Variants in RHOA observed in about 807,000 individuals in gnomAD.
The protein encoded by RHOA is ras homolog family member A, also known as transforming protein RhoA.
RHOA carries 3 observed loss-of-function variants against 17.5 expected under a neutral mutation model. The ratio of observed to expected loss-of-function variants is 0.17; its 90% CI spans 0.08 to 0.44. The LOEUF is 0.44. Ranked by LOEUF, RHOA falls within the 20% of genes least tolerant of loss-of-function variation. The probability of loss-of-function intolerance (pLI) is 0.99; values close to 1 mark genes in which losing one functional copy is unlikely to be tolerated. For missense variants in RHOA, 56 were observed against 242.3 expected, an observed-to-expected ratio of 0.23 and a Z score of 5.10; for synonymous variants, 98 against 88.4, an observed-to-expected ratio of 1.11 and a Z score of -0.61.
intron 3 of RHOA, chr3:49,366,454 T>C (rs1206685514): frequency 6.6e-6 from 1 of 152,042 alleles, no homozygotes; most frequent in East Asian, 1.9e-4. Flanking sequence ...AATACAAAAA[T>C]CACCCAGGCG....
intron 1 of RHOA, among the ~76,000 whole-genome samples, chr3:49,391,764 G>A (rs576844551): frequency 1.8e-4 from 27 of 150,936 alleles, no homozygotes; most frequent in Non-Finnish European, 2.9e-4. Flanking sequence ...GCCCACCTCA[G>A]CCTCCCAAAG....
At chr3:49,391,375 G>C (rs1026056349) in intron 1 of RHOA, among the ~76,000 whole-genome samples, 1 of 147,848 alleles carries the variant, frequency 6.8e-6, no homozygotes, top group Admixed American at 6.8e-5. Context: ...TTGAGCGACA[G>C]AGTGAGAATC....
chr3:49,380,246 C>G (rs1559504259), intron 1 of RHOA, among the ~76,000 whole-genome samples: 1 of 152,154 alleles, frequency 6.6e-6, no homozygotes, highest in East Asian at 1.9e-4. Context: ...CTGGAAGAAC[C>G]AAAAGGTAAA....
At chr3:49,374,708 C>T (rs1008791527) in intron 2 of RHOA, among the ~76,000 whole-genome samples, 2 of 150,970 alleles carry the variant, frequency 1.3e-5, no homozygotes, top group East Asian at 2.0e-4. Flanking sequence ...GGCGACAGAG[C>T]GAGACTCTGT....
chr3:49,363,427 A>G (rs1233229156), intron 3 of RHOA, among the ~76,000 whole-genome samples: 1 of 152,164 alleles, frequency 6.6e-6, no homozygotes, highest in Admixed American at 6.6e-5. Context: ...AATAAAAAAA[A>G]GTGACTTTTG....
intron 1 of RHOA, among the ~76,000 whole-genome samples, chr3:49,410,215 G>C (rs2048909240): frequency 6.6e-6 from 1 of 152,142 alleles, no homozygotes; most frequent in African/African-American, 2.4e-5. Flanking sequence ...AGTAAATGGA[G>C]AATACCTTAA....
intron 2 of RHOA, chr3:49,373,244 T>C: frequency 4.9e-6 from 1 of 205,394 alleles, no homozygotes; most frequent in Non-Finnish European, 1.1e-5. Context: ...CTCGGGAGGC[T>C]GAGATAGGAG....
In RHOA at chr3:49,411,970, A is replaced by C. The variant is rs978554175; in HGVS notation, c.-153T>G. On this transcript the variant is annotated 5_prime_UTR_variant, in exon 1 of 5. Coordinates refer to ENST00000418115, the MANE Select transcript of RHOA (RefSeq NM_001664.4). ...CCGCGGGCGGCGGGAGGGTAGCGCG[A>C]GAGAGCGAGGGCGGGCGGCGGCGGG... The C allele has an allele frequency of 6.7e-6, 1 of 149,530 alleles. No homozygotes were observed. The highest frequency in any genetic ancestry group is 2.5e-5 in the African/African-American group (1 of 40,192). The allele number at this position is 149,530 out of a possible 1,614,324, so 9.3% of individuals were successfully genotyped here. A position where few individuals can be genotyped will look rare whatever the true frequency, so the allele number is the denominator to read the frequency against.
chr3:49,388,467 G>A (rs1028811844), intron 1 of RHOA, among the ~76,000 whole-genome samples: 2 of 152,164 alleles, frequency 1.3e-5, no homozygotes, highest in African/African-American at 4.8e-5. Context: ...CTGCATTGCT[G>A]CCTGCCTTGC....
At chr3:49,399,005 A>AGAC (rs1181741265) in intron 1 of RHOA, among the ~76,000 whole-genome samples, 1 of 134,022 alleles carries the variant, frequency 7.5e-6, no homozygotes, top group African/African-American at 2.8e-5. Context: ...CAGTTAGCTG[A>AGAC]GACTGTGCCA....
chr3:49,408,017 G>A (rs1228576604), intron 1 of RHOA, among the ~76,000 whole-genome samples: 1 of 151,930 alleles, frequency 6.6e-6, no homozygotes, highest in Admixed American at 6.6e-5. Context: ...AAAATTAGCT[G>A]AGCACAGTGG....
chr3:49,373,585 T>C (rs1051872767), intron 2 of RHOA, among the ~76,000 whole-genome samples: 16 of 152,262 alleles, frequency 1.1e-4, no homozygotes, highest in African/African-American at 3.6e-4. Flanking sequence ...GGGGCTGAGA[T>C]GGAAGAACTT....
At chr3:49,362,350 A>T (rs1575640898) in intron 4 of RHOA, 146 bp downstream of exon 4, 1 of 739,642 alleles carries the variant, frequency 1.4e-6, no homozygotes, top group East Asian at 2.8e-5. Flanking sequence ...TGAAGATCCC[A>T]ATTAATGAGG....
At chr3:49,367,109 G>C (rs937133874) in intron 3 of RHOA, 2 of 152,064 alleles carry the variant, frequency 1.3e-5, no homozygotes, top group South Asian at 4.1e-4. Context: ...TTGGGAGGCC[G>C]AGGCAGGCGG....
chr3:49,385,543 T>G (rs1176250773), intron 1 of RHOA, among the ~76,000 whole-genome samples: 2 of 151,768 alleles, frequency 1.3e-5, no homozygotes, highest in Non-Finnish European at 2.9e-5. Context: ...AACTCAGTTG[T>G]TTTTTTTATT....
chr3:49,410,796 T>C (rs531848880), intron 1 of RHOA, among the ~76,000 whole-genome samples: 1 of 152,338 alleles, frequency 6.6e-6, no homozygotes, highest in East Asian at 1.9e-4. Context: ...GTGAAATATC[T>C]ACTTACACAC....
intron 1 of RHOA, among the ~76,000 whole-genome samples, chr3:49,400,033 A>G (rs559665308): frequency 6.6e-6 from 1 of 151,998 alleles, no homozygotes; most frequent in African/African-American, 2.4e-5. Context: ...CAACAAGGTG[A>G]AACCCGTCTC....
chr3:49,380,997 CTTT>C (rs760030517), intron 1 of RHOA, among the ~76,000 whole-genome samples: 3 of 142,224 alleles, frequency 2.1e-5, no homozygotes, highest in African/African-American at 5.1e-5. Context: ...AATCTAGTAA[CTTT>C]TTTTTTTTTT....
intron 1 of RHOA, among the ~76,000 whole-genome samples, chr3:49,379,499 T>C (rs903187549): frequency 4.6e-5 from 7 of 152,118 alleles, no homozygotes; most frequent in South Asian, 2.1e-4. Flanking sequence ...CTATTGATTA[T>C]AGTATATATA....
Sources: gnomAD v4.1 joint callset for allele counts (sites outside exome capture counted in the v4.1 genomes callset) on GRCh38, gnomAD v4.1.1 for gene constraint, MANE v1.5 for transcripts, NCBI Gene and HGNC (gene_info 2026-07-23, HGNC 2026-07-21) for gene names.